Variants in KLRF1 observed in about 807,000 individuals in gnomAD.
The protein encoded by KLRF1 is killer cell lectin like receptor F1, also known as killer cell lectin-like receptor subfamily F member 1.
A neutral mutation model predicts 30.7 loss-of-function variants in KLRF1; 27 were observed. The ratio of observed to expected loss-of-function variants is 0.88; its 90% CI spans 0.65 to 1.21. The LOEUF is 1.21. Ranked by LOEUF, KLRF1 falls within the 50% of genes most tolerant of loss-of-function variation. The pLI, the probability that KLRF1 is intolerant of heterozygous loss-of-function variation, is 0.00. For synonymous variants in KLRF1, 92 were observed against 89.3 expected, an observed-to-expected ratio of 1.03 and a Z score of -0.17; for missense variants, 246 against 259.3, an observed-to-expected ratio of 0.95 and a Z score of 0.35.
chr12:9,808,145 G>A, the KLRF1 span, among the ~76,000 whole-genome samples: 12,796 of 152,100 alleles, frequency 0.084, 640 homozygotes, highest in East Asian at 0.2. Flanking sequence ...ACAGCTCAGT[G>A]AATAAAATGC....
In KLRF1 at chr12:9,833,410, A is replaced by T. The variant is rs757670768; in HGVS notation, c.292A>T (p.Ser98Cys). 1 of 1,611,940 alleles carries T rather than the reference A, an allele frequency of 6.2e-7. No homozygotes were observed. Among genetic ancestry groups the T allele is most frequent in the Non-Finnish European group, 8.5e-7 (1 of 1,178,958 alleles). ...GAATAATGGCACAAGAAGAAATATA[A>T]GTAATAAGGACCTTTGTGCTTCGAG... ...KVNNGTRRNI[S>C]NKDLCASRSA... The change falls in exon 3 of 6, where the codon AGT becomes TGT. Residue 98 changes from serine (S) to cysteine (C), a missense_variant. By Grantham distance (112) the Ser-to-Cys change is moderately radical. Transcript: ENST00000617889.
chr12:9,815,785 G>C, the KLRF1 span, among the ~76,000 whole-genome samples: 1 of 152,110 alleles, frequency 6.6e-6, no homozygotes, highest in East Asian at 1.9e-4. Flanking sequence ...TGCCTGTATG[G>C]CTGCTGCGGC....
the KLRF1 span, among the ~76,000 whole-genome samples, chr12:9,801,451 T>C: frequency 2.0e-5 from 3 of 152,216 alleles, no homozygotes; most frequent in South Asian, 2.1e-4. Context: ...AGAACAAATT[T>C]ACATTCCCAC....
At position 9,844,543 on chromosome 12, in the gene KLRF1, C is replaced by A; in HGVS notation, c.*17C>A. 7.5e-7 allele frequency: 1 copy of A among 1,327,502 alleles called. No individual in the cohort carries two copies. Among genetic ancestry groups the A allele is most frequent in the East Asian group, 2.3e-5 (1 of 43,118 alleles). The allele number at this position is 1,327,502 out of a possible 1,614,324, so 82.2% of individuals were successfully genotyped here. ...CAGTATTAGAGTTTGACAAAATTCA[C>A]AGTGAAATAATCAATGATCACTATT... On this transcript the variant is annotated 3_prime_UTR_variant, in exon 6 of 6. Coordinates refer to ENST00000617889, the MANE Select transcript of KLRF1 (RefSeq NM_016523.3).
chr12:9,844,224 T>C (rs1278610868), intron 5 of KLRF1, among the ~76,000 whole-genome samples, 194 bp from the exon 6 acceptor site: 8 of 152,126 alleles, frequency 5.3e-5, no homozygotes, highest in Admixed American at 2.6e-4. Flanking sequence ...AGTTGCAGAC[T>C]CTCTGGCAAC....
chr12:9,832,654 A>G (rs1867460311), intron 2 of KLRF1, among the ~76,000 whole-genome samples: 1 of 62,500 alleles, frequency 1.6e-5, no homozygotes, highest in African/African-American at 4.7e-5. Flanking sequence ...GTGTATGTGT[A>G]GAGTGTGTGT....
chr12:9,824,080 CA>C (rs1867255165), upstream of KLRF1, among the ~76,000 whole-genome samples: 1 of 151,954 alleles, frequency 6.6e-6, no homozygotes, highest in Non-Finnish European at 1.5e-5. Flanking sequence ...GAAACTATTC[CA>C]AAAATTTGAG....
intron 3 of KLRF1, among the ~76,000 whole-genome samples, chr12:9,836,753 C>G (rs1565507906): frequency 6.6e-6 from 1 of 152,048 alleles, no homozygotes; most frequent in Non-Finnish European, 1.5e-5. Context: ...ATTTCCCAAA[C>G]TAATAGATAT....
chr12:9,819,209 T>G, the KLRF1 span, among the ~76,000 whole-genome samples: 1 of 152,094 alleles, frequency 6.6e-6, no homozygotes, highest in Non-Finnish European at 1.5e-5. Context: ...CTGGGAGCCT[T>G]AGATACCAGG....
At chr12:9,800,520 A>G in the KLRF1 span, among the ~76,000 whole-genome samples, 2 of 151,962 alleles carry the variant, frequency 1.3e-5, no homozygotes, top group African/African-American at 4.8e-5. Context: ...GCGCCTTTGT[A>G]TACTCATAAC....
intron 3 of KLRF1, among the ~76,000 whole-genome samples, chr12:9,838,170 A>G (rs961540080): frequency 6.6e-6 from 1 of 152,022 alleles, no homozygotes. Flanking sequence ...GCTCCCACAT[A>G]GGGATATGGT....
intron 1 of KLRF1, among the ~76,000 whole-genome samples, 173 bp downstream of exon 1, chr12:9,827,802 A>G (rs1591751111): frequency 6.6e-6 from 1 of 152,262 alleles, no homozygotes; most frequent in Admixed American, 6.5e-5. Flanking sequence ...TAAAAATAAC[A>G]ACCTCTCTTA....
intron 1 of KLRF1, among the ~76,000 whole-genome samples, chr12:9,828,666 C>A (rs1019183237): frequency 6.6e-6 from 1 of 152,114 alleles, no homozygotes; most frequent in African/African-American, 2.4e-5. Context: ...TTACTTATCT[C>A]TTGAGTCCTT....
chr12:9,842,978 G>T (rs1867738257), intron 5 of KLRF1, among the ~76,000 whole-genome samples: 1 of 152,084 alleles, frequency 6.6e-6, no homozygotes. Context: ...CAAGATAATG[G>T]TCCCCAAAGA....
chr12:9,829,555 C>A (rs193259212), intron 1 of KLRF1, among the ~76,000 whole-genome samples: 44 of 152,194 alleles, frequency 2.9e-4, no homozygotes, highest in African/African-American at 1.0e-3. Flanking sequence ...GAGTTCAAGA[C>A]CTGCCTGGGC....
chr12:9,817,377 G>T, the KLRF1 span: 1 of 342,834 alleles, frequency 2.9e-6, no homozygotes, highest in Non-Finnish European at 5.8e-6. Context: ...GCAGTTCTCA[G>T]CATCTTTTTA....
the KLRF1 span, among the ~76,000 whole-genome samples, chr12:9,807,919 A>G: frequency 1.3e-5 from 2 of 152,098 alleles, no homozygotes; most frequent in Non-Finnish European, 2.9e-5. Context: ...TATGTTAACT[A>G]TTATTAACTA....
At chr12:9,809,021 A>G in the KLRF1 span, among the ~76,000 whole-genome samples, 2 of 152,160 alleles carry the variant, frequency 1.3e-5, no homozygotes, top group Admixed American at 6.5e-5. Context: ...TAATATATTC[A>G]ATGTATAGAT....
Position 9,836,147 on chromosome 12 carries a change from G to A in KLRF1, c.334+2695G>A, listed in dbSNP as rs1479130430. ...CGTTGGTAGTGTGGTGGAGATAGCTGGGGAGAGGTAGAGGGTGACATAAGA... is the reference window on the plus strand; with the variant it reads ...CGTTGGTAGTGTGGTGGAGATAGCTAGGGAGAGGTAGAGGGTGACATAAGA... On this transcript the variant is annotated intron_variant, in intron 3 of 5. Coordinates refer to ENST00000617889, the MANE Select transcript of KLRF1 (RefSeq NM_016523.3). Among the ~76,000 whole-genome samples the A allele has an allele frequency of 4.6e-5, 7 of 152,014 alleles. No homozygotes were observed. The East Asian group carries it at 1.4e-3, about 29-fold the overall frequency.
Sources: gnomAD v4.1 joint callset for allele counts (sites outside exome capture counted in the v4.1 genomes callset) on GRCh38, gnomAD v4.1.1 for gene constraint, MANE v1.5 for transcripts, NCBI Gene and HGNC (gene_info 2026-07-23, HGNC 2026-07-21) for gene names.